PRKN: variants seen among roughly 807,000 people sequenced by gnomAD.
PRKN encodes parkin RBR E3 ubiquitin protein ligase, also known as E3 ubiquitin-protein ligase parkin.
PRKN carries 56 observed loss-of-function variants against 59.5 expected under a neutral mutation model. The ratio of observed to expected loss-of-function variants is 0.94; its 90% CI spans 0.76 to 1.18. PRKN has a LOEUF of 1.18. PRKN is among the 50% of genes most tolerant of loss of function. The pLI is 0.00. For missense variants in PRKN, 657 were observed against 596.4 expected (o/e 1.10, Z -1.06); for synonymous variants, 250 against 222.1 (o/e 1.13, Z -1.12).
intron 1 of PRKN, among the ~76,000 whole-genome samples, chr6:162,514,851 TATA>T (rs1270461522): frequency 6.6e-6 from 1 of 152,204 alleles, no homozygotes; most frequent in Admixed American, 6.5e-5. Flanking sequence ...AGACTAAAAC[TATA>T]ATTTTTCTTT....
At chr6:161,721,815 C>T (rs1787235019) in intron 7 of PRKN, among the ~76,000 whole-genome samples, 1 of 152,160 alleles carries the variant, frequency 6.6e-6, no homozygotes, top group South Asian at 2.1e-4. Flanking sequence ...AATCACTGCT[C>T]CCAAACACAG....
chr6:162,412,451 T>A (rs1788399718), intron 2 of PRKN, among the ~76,000 whole-genome samples: 1 of 151,906 alleles, frequency 6.6e-6, no homozygotes, highest in East Asian at 2.0e-4. Context: ...AATCTGTTCT[T>A]CATAGCAATC....
intron 7 of PRKN, among the ~76,000 whole-genome samples, chr6:161,784,862 C>A (rs952733880): frequency 6.6e-6 from 1 of 152,160 alleles, no homozygotes; most frequent in Non-Finnish European, 1.5e-5. Context: ...AACACAAATG[C>A]CCATCAGCAG....
chr6:161,568,291 G>A (rs1433633589), intron 8 of PRKN, among the ~76,000 whole-genome samples: 1 of 152,172 alleles, frequency 6.6e-6, no homozygotes, highest in Non-Finnish European at 1.5e-5. Flanking sequence ...CAATCTTTAG[G>A]AGTAAAAATA....
At chr6:161,784,889 A>G (rs1194455467) in intron 7 of PRKN, among the ~76,000 whole-genome samples, 1 of 152,232 alleles carries the variant, frequency 6.6e-6, no homozygotes, top group Non-Finnish European at 1.5e-5. Flanking sequence ...GGACACACAA[A>G]TTGTGGGGTA....
chr6:161,914,176 G>A (rs1778467784), intron 6 of PRKN, among the ~76,000 whole-genome samples: 1 of 152,090 alleles, frequency 6.6e-6, no homozygotes, highest in Non-Finnish European at 1.5e-5. Context: ...TCAATAATTT[G>A]CAACACAGCT....
chr6:162,167,189 A>G (rs1358794082), intron 4 of PRKN, among the ~76,000 whole-genome samples: 1 of 152,224 alleles, frequency 6.6e-6, no homozygotes, highest in Admixed American at 6.5e-5. Flanking sequence ...AGAATTTTAA[A>G]TAATTGAATA....
In PRKN at chr6:162,721,033, A is replaced by T. The variant is rs570230029; in HGVS notation, c.7+6629T>A. 4.5e-4 allele frequency among the ~76,000 whole-genome samples: 69 copies of T among 152,348 alleles called. 1 individual carries two copies. The South Asian group carries it at 0.014, about 31-fold the overall frequency. ...ATTCTACAAAAATAAGAACTTTTTAAAAAGAAATATGGCCTTTAATCAGAG... is the reference window on the plus strand; with the variant it reads ...ATTCTACAAAAATAAGAACTTTTTATAAAGAAATATGGCCTTTAATCAGAG... On this transcript the variant is annotated intron_variant, in intron 1 of 11. Coordinates refer to ENST00000366898, the MANE Select transcript of PRKN (RefSeq NM_004562.3).
At chr6:161,648,777 C>G (rs1301154406) in intron 7 of PRKN, among the ~76,000 whole-genome samples, 1 of 152,130 alleles carries the variant, frequency 6.6e-6, no homozygotes, top group East Asian at 1.9e-4. Context: ...GCATTCAAGC[C>G]CAGTCTAGAA....
intron 2 of PRKN, among the ~76,000 whole-genome samples, chr6:162,317,772 C>A (rs7756134): frequency 6.6e-6 from 1 of 151,882 alleles, no homozygotes; most frequent in Non-Finnish European, 1.5e-5. Flanking sequence ...TCCCATTCAC[C>A]TATTTCCCTG....
At position 161,739,338 on chromosome 6, in the gene PRKN, A is replaced by G. The variant is rs138551864; in HGVS notation, c.871+46434T>C. On this transcript the variant is annotated intron_variant, in intron 7 of 11. Coordinates refer to ENST00000366898, the MANE Select transcript of PRKN (RefSeq NM_004562.3). ...TGGGAGAATCGCTGGAACCTGGGAG[A>G]TGGAGGTTGCGGTGAGCTGAAATTG... Among the ~76,000 whole-genome samples, 84 of 152,184 alleles carry G rather than the reference A, an allele frequency of 5.5e-4. No homozygotes were observed. In the East Asian group the frequency reaches 0.015, roughly 27 times the overall value.
rs571417052 is a variant in PRKN at position 161,476,152 on chromosome 6, A to C, written c.1083+72702T>G. Among the ~76,000 whole-genome samples the C allele has an allele frequency of 3.3e-3, 498 of 151,226 alleles. 5 individuals are homozygous for C. Among genetic ancestry groups the C allele is most frequent in the African/African-American group, 0.012 (482 of 41,086 alleles). On this transcript the variant is annotated intron_variant, in intron 9 of 11. Transcript: ENST00000366898. ...CAGTGAGCCGAGATCGCGCCACTGT[A>C]CTCCAACCTGGGCGACAGAGTGAGA...
At chr6:161,382,034 C>T (rs1306777216) in intron 10 of PRKN, among the ~76,000 whole-genome samples, 2 of 147,732 alleles carry the variant, frequency 1.4e-5, no homozygotes, top group Admixed American at 6.9e-5. Flanking sequence ...ATGGCGTGAA[C>T]CCGGGAGGCA....
intron 2 of PRKN, among the ~76,000 whole-genome samples, chr6:162,371,163 C>T (rs1209756422): frequency 1.3e-5 from 2 of 152,152 alleles, no homozygotes; most frequent in Admixed American, 6.5e-5. Context: ...CCAGGAGAGG[C>T]GGGATGCTTC....
chr6:162,346,858 G>C (rs1784424092), intron 2 of PRKN, among the ~76,000 whole-genome samples: 1 of 151,938 alleles, frequency 6.6e-6, no homozygotes, highest in African/African-American at 2.4e-5. Flanking sequence ...AGAGGGTTGT[G>C]AGATATATAT....
At chr6:162,599,838 A>G (rs1032596414) in intron 1 of PRKN, among the ~76,000 whole-genome samples, 9 of 152,216 alleles carry the variant, frequency 5.9e-5, no homozygotes, top group Admixed American at 5.2e-4. Flanking sequence ...AGTCTTCTAG[A>G]ATATTTACAA....
chr6:162,148,966 G>A (rs951095892), intron 4 of PRKN, among the ~76,000 whole-genome samples: 2 of 152,114 alleles, frequency 1.3e-5, no homozygotes, highest in East Asian at 3.9e-4. Flanking sequence ...GGCCAGGGTG[G>A]GGGTACTTAC....
intron 8 of PRKN, among the ~76,000 whole-genome samples, chr6:161,559,713 G>A (rs1385603407): frequency 6.6e-6 from 1 of 152,174 alleles, no homozygotes; most frequent in African/African-American, 2.4e-5. Flanking sequence ...TGATTCTGAG[G>A]GAAGGGTGAC....
chr6:162,106,204 C>T (rs539714816), intron 4 of PRKN, among the ~76,000 whole-genome samples: 2 of 152,106 alleles, frequency 1.3e-5, no homozygotes, highest in Non-Finnish European at 1.5e-5. Context: ...ACAATGGGAA[C>T]AGGCTGGGAG....
Sources: allele counts gnomAD v4.1 joint callset (sites outside exome capture counted in the v4.1 genomes callset), GRCh38; gene constraint gnomAD v4.1.1; transcripts MANE v1.5; gene names NCBI Gene and HGNC (gene_info 2026-07-23, HGNC 2026-07-21).